PHACTR2: variants seen among roughly 807,000 people sequenced by gnomAD.
PHACTR2 encodes chromosome 6 open reading frame 56.
In PHACTR2, 30 loss-of-function variants were observed where a neutral mutation model predicts 76.0. The observed-to-expected ratio is 0.39, with a 90% CI of 0.30 to 0.54. PHACTR2 has a LOEUF of 0.54. Ranked by LOEUF, PHACTR2 falls within the 20% of genes least tolerant of loss-of-function variation. The pLI is 0.61. For synonymous variants in PHACTR2, 292 were observed against 292.5 expected (o/e 1.00, Z 0.02); for missense variants, 696 against 781.1 (o/e 0.89, Z 1.30).
intron 1 of PHACTR2, among the ~76,000 whole-genome samples, chr6:143,704,232 G>A (rs1777989042): frequency 6.6e-6 from 1 of 151,932 alleles, no homozygotes; most frequent in Admixed American, 6.6e-5. Flanking sequence ...CATTTTGCAA[G>A]GTGTTGAATA....
rs1029031565 is a variant in PHACTR2, at chr6:143,547,574, G to A, written c.217+10367G>A. ...CTTTGAAACAGCCACTGTGACATTT[G>A]TAGAAGGGACCCAATCAGATATGAA... On this transcript the variant is annotated intron_variant, in intron 1 of 11. Coordinates refer to the PHACTR2 transcript ENST00000367584. The surrounding 1 kb of genome is among the most constrained non-coding windows in gnomAD (Gnocchi z 4.2). Among the ~76,000 whole-genome samples the A allele has an allele frequency of 1.3e-5, 2 of 152,224 alleles. No individual in the cohort carries two copies. Among genetic ancestry groups the A allele is most frequent in the South Asian group, 2.1e-4 (1 of 4,836 alleles).
At chr6:143,631,360 T>A (rs1856391) in intron 1 of PHACTR2, among the ~76,000 whole-genome samples, 11,400 of 151,872 alleles carry the variant, frequency 0.075, 501 homozygotes, top group African/African-American at 0.12. Flanking sequence ...CTGGCTAATT[T>A]AAAAAAAATT....
rs548940274 is a variant in PHACTR2 at position 143,541,949 on chromosome 6, C to T, written c.217+4742C>T. 3.3e-5 allele frequency among the ~76,000 whole-genome samples: 5 copies of T among 152,344 alleles called. No homozygotes were observed. In the East Asian group the frequency reaches 7.7e-4, roughly 24 times the overall value. On this transcript the variant is annotated intron_variant, in intron 1 of 11. Coordinates refer to the PHACTR2 transcript ENST00000367584. The surrounding 1 kb of genome is among the most constrained non-coding windows in gnomAD (Gnocchi z 5.3). ...CCAAGAGGCTTCTGAGCCCCAGCCA[C>T]GAGCTAAGCTGGAGGTGCCCTAGGC...
At position 143,787,766 on chromosome 6, in the gene PHACTR2, A is replaced by T. The variant is rs1775587687; in HGVS notation, c.1708-1007A>T. 6.6e-6 allele frequency among the ~76,000 whole-genome samples: 1 copy of T among 152,176 alleles called. No individual in the cohort carries two copies. Among genetic ancestry groups the T allele is most frequent in the Non-Finnish European group, 1.5e-5 (1 of 68,038 alleles). ...CCCACCCACTCTGTTTAAATAAAAA[A>T]AAAATAAGCAATATCTCCGGAGAGG... On this transcript the variant is annotated intron_variant, in intron 10 of 12. Coordinates refer to ENST00000440869, the MANE Select transcript of PHACTR2 (RefSeq NM_001100164.2). The surrounding 1 kb of genome is among the most constrained non-coding windows in gnomAD (Gnocchi z 4.6).
intron 1 of PHACTR2, among the ~76,000 whole-genome samples, chr6:143,574,181 G>A (rs1775480678): frequency 6.6e-6 from 1 of 152,222 alleles, no homozygotes; most frequent in African/African-American, 2.4e-5. Flanking sequence ...TTCACTGGAA[G>A]CTGCTAGAGG....
rs1247956647 is a variant in PHACTR2, at chr6:143,709,168, T to C, written c.47-2848T>C. Reference sequence around the variant, plus strand: ...AAATATTTTGCTCCTTTACTCTGAATTAGCTTCAAAATCAGTCTGTCCCCT... The same window carrying C: ...AAATATTTTGCTCCTTTACTCTGAACTAGCTTCAAAATCAGTCTGTCCCCT... On this transcript the variant is annotated intron_variant, in intron 1 of 12. Coordinates refer to ENST00000440869, the MANE Select transcript of PHACTR2 (RefSeq NM_001100164.2). The surrounding 1 kb of genome is among the most constrained non-coding windows in gnomAD (Gnocchi z 4.4). Among the ~76,000 whole-genome samples the C allele has an allele frequency of 6.6e-6, 1 of 152,242 alleles. No individual in the cohort carries two copies. Among genetic ancestry groups the C allele is most frequent in the East Asian group, 1.9e-4 (1 of 5,206 alleles).
rs775518558 is a variant in PHACTR2, at chr6:143,730,758, G to C, written c.215-18227G>C. ...GGTGTAAGATTTTTTGTGTGTGTTT[G>C]TTTGTTTGAGACGGAGTCTTGCTCT... On this transcript the variant is annotated intron_variant, in intron 2 of 12. Coordinates refer to ENST00000440869, the MANE Select transcript of PHACTR2 (RefSeq NM_001100164.2). The surrounding 1 kb of genome is among the most constrained non-coding windows in gnomAD (Gnocchi z 4.8). Among the ~76,000 whole-genome samples the C allele has an allele frequency of 3.0e-4, 45 of 152,100 alleles. No homozygotes were observed. The highest frequency in any genetic ancestry group is 5.6e-4 in the Non-Finnish European group (38 of 68,004).
rs1417325627 is a variant in PHACTR2 at position 143,809,868 on chromosome 6, T to TG, written c.1922+2739dup. Reference sequence around the variant, plus strand: ...GGCTCAGGCCTGTAATCCCGGCACTTGGGGAGGCCGAGGTGGGCAGATCTT... The same window carrying TG: ...GGCTCAGGCCTGTAATCCCGGCACTTGGGGGAGGCCGAGGTGGGCAGATCTT... On this transcript the variant is annotated intron_variant, in intron 12 of 12. Transcript: ENST00000440869. This position sits in a 1 kb window ranked among gnomAD's most constrained non-coding sequence, Gnocchi z 4.2. Among the ~76,000 whole-genome samples the TG allele has an allele frequency of 6.6e-6, 1 of 152,178 alleles. No homozygotes were observed. The highest frequency in any genetic ancestry group is 1.5e-5 in the Non-Finnish European group (1 of 68,040).
chr6:143,617,045 G>T lies in PHACTR2; in HGVS notation c.13+8723G>T, dbSNP rs1160111994. ...CTACCAGCTTTCAGGAGCCTTTGAA[G>T]GGTTTTACGAGACTGGGAAGAATGG... On this transcript the variant is annotated intron_variant, in intron 1 of 11. Coordinates refer to the PHACTR2 transcript ENST00000305766. The surrounding 1 kb of genome is among the most constrained non-coding windows in gnomAD (Gnocchi z 4.8). Among the ~76,000 whole-genome samples the T allele has an allele frequency of 6.6e-6, 1 of 152,174 alleles. No individual in the cohort carries two copies. Among genetic ancestry groups the T allele is most frequent in the Non-Finnish European group, 1.5e-5 (1 of 68,036 alleles).
chr6:143,678,648 G>T lies in PHACTR2; in HGVS notation c.46+439G>T, dbSNP rs1398214903. Among the ~76,000 whole-genome samples, 3 of 152,194 alleles carry T rather than the reference G, an allele frequency of 2.0e-5. No individual in the cohort carries two copies. Among genetic ancestry groups the T allele is most frequent in the African/African-American group, 7.2e-5 (3 of 41,430 alleles). ...CAACTGATTTATGGTTTGTTATTCG[G>T]AGTAGAAGCGCTGATCGCCTTATCC... On this transcript the variant is annotated intron_variant, in intron 1 of 12. Transcript: ENST00000440869. The surrounding 1 kb of genome is among the most constrained non-coding windows in gnomAD (Gnocchi z 6.2).
chr6:143,692,538 A>G (rs554398577), intron 1 of PHACTR2, among the ~76,000 whole-genome samples: 8 of 152,342 alleles, frequency 5.3e-5, no homozygotes, highest in South Asian at 2.1e-4. Context: ...AAAATCAAAC[A>G]TGAGATTTTT....
chr6:143,655,521 A>T (rs1776834425), intron 1 of PHACTR2, among the ~76,000 whole-genome samples: 1 of 152,236 alleles, frequency 6.6e-6, no homozygotes, highest in Non-Finnish European at 1.5e-5. Context: ...AATATAGATG[A>T]TTAGAGAATA....
Position 143,664,291 on chromosome 6 carries a change from G to T in PHACTR2, c.14-47725G>T, listed in dbSNP as rs921585487. ...TTTATTTTCAGCTTTTGCTGTTTGG[G>T]GTGTGTCTTCTAAAAATGACAGATA... On this transcript the variant is annotated intron_variant, in intron 1 of 11. Transcript: ENST00000305766. The surrounding 1 kb of genome is among the most constrained non-coding windows in gnomAD (Gnocchi z 5.1). Among the ~76,000 whole-genome samples, 2 of 151,648 alleles carry T rather than the reference G, an allele frequency of 1.3e-5. No individual in the cohort carries two copies. Among genetic ancestry groups the T allele is most frequent in the African/African-American group, 4.8e-5 (2 of 41,280 alleles).
At position 143,760,552 on chromosome 6, in the gene PHACTR2, T is replaced by A; in HGVS notation, c.606T>A (p.Pro202=). 6.2e-7 allele frequency: 1 copy of A among 1,613,606 alleles called. No individual in the cohort carries two copies. The highest frequency in any genetic ancestry group is 8.5e-7 in the Non-Finnish European group (1 of 1,179,782). The stretch of plus-strand genomic sequence containing the variant: ...CCAGCCACAAAGGTGATGAAGTGCC[T>A]CCCATTAAAAAAAATACCAAGGCTC... ...AGASHKGDEV[P]PIKKNTKAPG... The change falls in exon 5 of 13, where the codon CCT becomes CCA. Residue 202 remains proline, a synonymous_variant. Coordinates refer to ENST00000440869, the MANE Select transcript of PHACTR2 (RefSeq NM_001100164.2). This position sits in a 1 kb window ranked among gnomAD's most constrained non-coding sequence, Gnocchi z 6.4.
At position 143,539,704 on chromosome 6, in the gene PHACTR2, G is replaced by A. The variant is rs1306493868; in HGVS notation, c.217+2497G>A. ...ATGTGTGGCTTGCCAAAACAGCCCC[G>A]GACCAGCATCTGTGGCCTCATCTCA... On this transcript the variant is annotated intron_variant, in intron 1 of 11. Transcript: ENST00000367584. This position sits in a 1 kb window ranked among gnomAD's most constrained non-coding sequence, Gnocchi z 4.3. Among the ~76,000 whole-genome samples, 2 of 152,108 alleles carry A rather than the reference G, an allele frequency of 1.3e-5. No homozygotes were observed. The highest frequency in any genetic ancestry group is 1.5e-5 in the Non-Finnish European group (1 of 68,008).
rs1776071781 is a variant in PHACTR2 at position 143,617,186 on chromosome 6, G to T, written c.13+8864G>T. Among the ~76,000 whole-genome samples, 1 of 152,214 alleles carries T rather than the reference G, an allele frequency of 6.6e-6. No homozygotes were observed. Among genetic ancestry groups the T allele is most frequent in the Non-Finnish European group, 1.5e-5 (1 of 68,036 alleles). On this transcript the variant is annotated intron_variant, in intron 1 of 11. Transcript: ENST00000305766. The surrounding 1 kb of genome is among the most constrained non-coding windows in gnomAD (Gnocchi z 4.8). ...AAACTTACTTCAATCCCAGCCCTGT[G>T]TCAAGGCCCAGCACATATCCCATCT...
In PHACTR2 at chr6:143,825,655, T is replaced by C. The variant is rs1473237434; in HGVS notation, c.*1966T>C. 2.0e-5 allele frequency: 3 copies of C among 152,164 alleles called. No individual in the cohort carries two copies. The highest frequency in any genetic ancestry group is 2.1e-4 in the South Asian group (1 of 4,832). 9.4% of individuals were successfully genotyped at this position (152,164 alleles called of 1,614,324 possible). A position where few individuals can be genotyped will look rare whatever the true frequency, so the allele number is the denominator to read the frequency against. On this transcript the variant is annotated 3_prime_UTR_variant, in exon 13 of 13. Coordinates refer to ENST00000440869, the MANE Select transcript of PHACTR2 (RefSeq NM_001100164.2). This position sits in a 1 kb window ranked among gnomAD's most constrained non-coding sequence, Gnocchi z 4.1. ...AAAGTCATGCTTTTCCTTAATTATATTTTTATTTTATTATTTTAGTGTCTT... is the reference window on the plus strand; with the variant it reads ...AAAGTCATGCTTTTCCTTAATTATACTTTTATTTTATTATTTTAGTGTCTT...
In PHACTR2 at chr6:143,595,036, C is replaced by T. The variant is rs1423386608; in HGVS notation, c.217+57829C>T. On this transcript the variant is annotated intron_variant, in intron 1 of 11. Transcript: ENST00000367584. This position sits in a 1 kb window ranked among gnomAD's most constrained non-coding sequence, Gnocchi z 4.2. Reference sequence around the variant, plus strand: ...TGATTTTATGAATAACATACAGCTTCCTAAAATCAGTCTTTTTCTGTTAGA... The same window carrying T: ...TGATTTTATGAATAACATACAGCTTTCTAAAATCAGTCTTTTTCTGTTAGA... Among the ~76,000 whole-genome samples the T allele has an allele frequency of 2.6e-5, 4 of 152,170 alleles. No individual in the cohort carries two copies. Among genetic ancestry groups the T allele is most frequent in the African/African-American group, 9.7e-5 (4 of 41,436 alleles).
rs1775271025 is a variant in PHACTR2, at chr6:143,776,287, A to G, written c.1590-1041A>G. 6.6e-6 allele frequency among the ~76,000 whole-genome samples: 1 copy of G among 152,226 alleles called. No individual in the cohort carries two copies. Among genetic ancestry groups the G allele is most frequent in the Admixed American group, 6.5e-5 (1 of 15,288 alleles). ...GTGGTGAAGAAAAGGTATAAATTGTAGGAAAGATATACTGTTATTATACAT... is the reference window on the plus strand; with the variant it reads ...GTGGTGAAGAAAAGGTATAAATTGTGGGAAAGATATACTGTTATTATACAT... On this transcript the variant is annotated intron_variant, in intron 8 of 12. Coordinates refer to ENST00000440869, the MANE Select transcript of PHACTR2 (RefSeq NM_001100164.2). This position sits in a 1 kb window ranked among gnomAD's most constrained non-coding sequence, Gnocchi z 5.3.
Sources: gnomAD v4.1 joint callset for allele counts (sites outside exome capture counted in the v4.1 genomes callset) on GRCh38, gnomAD v4.1.1 for gene constraint, Gnocchi (gnomAD v3.1) non-coding constraint, MANE v1.5 for transcripts, NCBI Gene and HGNC (gene_info 2026-07-23, HGNC 2026-07-21) for gene names.